The following STXBP5L variants were observed in gnomAD, a reference collection of about 807,000 sequenced individuals.
The protein encoded by STXBP5L is syntaxin binding protein 5L, also known as syntaxin-binding protein 5-like.
STXBP5L carries 65 observed loss-of-function variants against 144.5 expected under a neutral mutation model. That is an observed-to-expected ratio of 0.45 (90% CI 0.37 to 0.55). The LOEUF is 0.55. Among genes scored for constraint, STXBP5L ranks in the 20% least tolerant of loss-of-function variants. The pLI is 0.00. For synonymous variants in STXBP5L, 505 were observed against 469.6 expected (o/e 1.08, Z -0.97); for missense variants, 1,298 against 1,405.5 (o/e 0.92, Z 1.22).
At chr3:121,317,078 A>G (rs952494899) in intron 19 of STXBP5L, among the ~76,000 whole-genome samples, 1 of 152,198 alleles carries the variant, frequency 6.6e-6, no homozygotes, top group Non-Finnish European at 1.5e-5. Flanking sequence ...CGTGTTCGAC[A>G]TAGTTTAGTT....
chr3:121,204,745 A>T (rs2048272321), intron 9 of STXBP5L, among the ~76,000 whole-genome samples: 1 of 152,040 alleles, frequency 6.6e-6, no homozygotes, highest in Non-Finnish European at 1.5e-5. Context: ...AAAAAGAAAC[A>T]AATATTGCAT....
intron 3 of STXBP5L, among the ~76,000 whole-genome samples, chr3:120,987,653 C>A (rs1364025736): frequency 6.6e-6 from 1 of 151,724 alleles, no homozygotes; most frequent in African/African-American, 2.4e-5. Flanking sequence ...CGTGGTTTCA[C>A]CTCTTAGAAT....
chr3:121,094,078 G>A (rs959136667), intron 5 of STXBP5L, among the ~76,000 whole-genome samples: 13 of 152,014 alleles, frequency 8.6e-5, no homozygotes, highest in South Asian at 6.2e-4. Context: ...GTAGTTGAGC[G>A]GTTTTGAGTG....
intron 20 of STXBP5L, among the ~76,000 whole-genome samples, chr3:121,354,265 A>T (rs902825465): frequency 6.6e-6 from 1 of 152,152 alleles, no homozygotes; most frequent in African/African-American, 2.4e-5. Context: ...TGATCTGCCT[A>T]ATATTGACAG....
At position 121,253,636 on chromosome 3, in the gene STXBP5L, CT is replaced by C. The variant is rs940544631; in HGVS notation, c.1442-1248del. ...GTATATATACACATAAATATATATA[CT>C]TTTTTTTTTTGACGGAGTCTCGCTC... On this transcript the variant is annotated intron_variant, in intron 15 of 26. Coordinates refer to ENST00000471454, the MANE Select transcript of STXBP5L (RefSeq NM_001308330.2). Among the ~76,000 whole-genome samples the C allele has an allele frequency of 4.2e-3, 563 of 135,326 alleles. 4 individuals carry two copies. Among genetic ancestry groups the C allele is most frequent in the African/African-American group, 0.012 (454 of 38,562 alleles). The allele number at this position is 135,326 out of a possible 152,430, so 88.8% of individuals were successfully genotyped here.
intron 18 of STXBP5L, among the ~76,000 whole-genome samples, chr3:121,275,356 A>G (rs2050849129): frequency 6.6e-6 from 1 of 152,150 alleles, no homozygotes; most frequent in Admixed American, 6.6e-5. Flanking sequence ...ACAATATTGA[A>G]TTTTCTAACC....
chr3:121,156,004 G>T (rs942412284), intron 8 of STXBP5L, among the ~76,000 whole-genome samples: 15 of 151,824 alleles, frequency 9.9e-5, no homozygotes, highest in African/African-American at 3.4e-4. Flanking sequence ...AAGAAGATGT[G>T]ACTTTCCCTT....
chr3:121,042,865 A>T (rs181905711), intron 4 of STXBP5L, among the ~76,000 whole-genome samples: 286 of 152,020 alleles, frequency 1.9e-3, no homozygotes, highest in Non-Finnish European at 3.1e-3. Context: ...TAAAGAAAAC[A>T]TTTGAAAAAT....
intron 6 of STXBP5L, among the ~76,000 whole-genome samples, chr3:121,115,392 T>C (rs1370011605): frequency 2.6e-5 from 4 of 152,200 alleles, no homozygotes; most frequent in African/African-American, 9.6e-5. Context: ...TTGTGTTATG[T>C]AAAAATAATC....
chr3:121,232,903 G>A (rs556744965), intron 11 of STXBP5L, among the ~76,000 whole-genome samples: 1 of 152,204 alleles, frequency 6.6e-6, no homozygotes, highest in African/African-American at 2.4e-5. Flanking sequence ...TGTGATACCA[G>A]GGCTCTATCT....
Position 121,154,854 on chromosome 3 carries a change from C to T in STXBP5L, c.753+2294C>T, listed in dbSNP as rs920163815. 2.6e-5 allele frequency among the ~76,000 whole-genome samples: 4 copies of T among 151,778 alleles called. 1 individual carries two copies. The highest frequency in any genetic ancestry group is 3.9e-4 in the East Asian group (2 of 5,186). ...TTGTTTAGTTAATTCAGTTTAGACC[C>T]CTCAAAGTAATATTTGTCTCTTCCA... On this transcript the variant is annotated intron_variant, in intron 8 of 26. Transcript: ENST00000471454.
intron 2 of STXBP5L, among the ~76,000 whole-genome samples, chr3:120,930,415 C>A (rs1309587874): frequency 6.6e-6 from 1 of 151,816 alleles, no homozygotes; most frequent in Non-Finnish European, 1.5e-5. Context: ...GTAGTAGATT[C>A]CTCAGGAAGA....
rs141064295 is a variant in STXBP5L at position 121,136,246 on chromosome 3, G to T, written c.669+14542G>T. On this transcript the variant is annotated intron_variant, in intron 7 of 26. Coordinates refer to ENST00000471454, the MANE Select transcript of STXBP5L (RefSeq NM_001308330.2). Reference sequence around the variant, plus strand: ...AGGAAAGGAAAGTATAAGCATAGAGGTTTGCTGTAGAACCCAGTATAGTGC... The same window carrying T: ...AGGAAAGGAAAGTATAAGCATAGAGTTTTGCTGTAGAACCCAGTATAGTGC... Among the ~76,000 whole-genome samples, 70 of 152,244 alleles carry T rather than the reference G, an allele frequency of 4.6e-4. 1 individual carries two copies. Among genetic ancestry groups the T allele is most frequent in the African/African-American group, 1.5e-3 (64 of 41,550 alleles).
At chr3:121,057,771 C>T (rs1383372330) in intron 5 of STXBP5L, among the ~76,000 whole-genome samples, 1 of 151,762 alleles carries the variant, frequency 6.6e-6, no homozygotes, top group African/African-American at 2.4e-5. Context: ...TTTTTTATAA[C>T]ATTTCTTTAG....
chr3:121,131,675 A>G (rs75472934), intron 7 of STXBP5L, among the ~76,000 whole-genome samples: 2 of 152,216 alleles, frequency 1.3e-5, no homozygotes, highest in Admixed American at 6.5e-5. Context: ...TGAAGCAATT[A>G]TAAGAGTGAT....
chr3:121,343,514 A>C (rs2044818057), intron 20 of STXBP5L, among the ~76,000 whole-genome samples: 1 of 152,278 alleles, frequency 6.6e-6, no homozygotes, highest in Non-Finnish European at 1.5e-5. Context: ...GTCTCAGCCC[A>C]AAATCTCCTT....
At chr3:121,123,531 C>A (rs866272194) in intron 7 of STXBP5L, among the ~76,000 whole-genome samples, 1 of 150,894 alleles carries the variant, frequency 6.6e-6, no homozygotes, top group Non-Finnish European at 1.5e-5. Context: ...TTGAACATTG[C>A]CTTTATATTT....
chr3:121,095,362 A>G (rs1021450388), intron 5 of STXBP5L, among the ~76,000 whole-genome samples: 3 of 152,134 alleles, frequency 2.0e-5, no homozygotes, highest in Non-Finnish European at 2.9e-5. Flanking sequence ...GTTCTCTTGG[A>G]TAATAACCTG....
intron 3 of STXBP5L, among the ~76,000 whole-genome samples, chr3:120,981,109 G>A (rs934498706): frequency 2.0e-5 from 3 of 151,922 alleles, no homozygotes; most frequent in African/African-American, 7.3e-5. Flanking sequence ...TAGCTGATTA[G>A]CCCCTTCTTT....
Sources: allele counts gnomAD v4.1 joint callset (sites outside exome capture counted in the v4.1 genomes callset), GRCh38; gene constraint gnomAD v4.1.1; transcripts MANE v1.5; gene names NCBI Gene and HGNC (gene_info 2026-07-23, HGNC 2026-07-21).